Variants in RPS6KA3 observed in about 807,000 individuals in gnomAD.
RPS6KA3 encodes the protein ribosomal protein S6 kinase alpha-3.
RPS6KA3 carries 4 observed loss-of-function variants against 67.2 expected under a neutral mutation model. The observed-to-expected ratio is 0.06, with a 90% CI of 0.03 to 0.14. The LOEUF (loss-of-function observed/expected upper bound fraction) is 0.14. Among genes scored for constraint, RPS6KA3 ranks in the 10% least tolerant of loss-of-function variants. The pLI is 1.00. For synonymous variants in RPS6KA3, 182 were observed against 183.7 expected, an observed-to-expected ratio of 0.99 and a Z score of 0.07; for missense variants, 204 against 559.0, an observed-to-expected ratio of 0.36 and a Z score of 6.40.
At chrX:20,266,253 T>G in intron 1 of RPS6KA3, among the ~76,000 whole-genome samples, 1 of 99,771 alleles carries the variant, frequency 1.0e-5, no homozygotes. Flanking sequence ...CGGCCCCCGC[T>G]CCGCCTCCCG....
intron 1 of RPS6KA3, among the ~76,000 whole-genome samples, chrX:20,262,048 T>C (rs1417995244): frequency 8.9e-6 from 1 of 111,986 alleles, no homozygotes; most frequent in African/African-American, 3.2e-5. Context: ...CTGAGCACTA[T>C]CACACGCAGG....
At chrX:20,229,591 T>C (rs1405459799) in intron 2 of RPS6KA3, among the ~76,000 whole-genome samples, 1 of 112,445 alleles carries the variant, frequency 8.9e-6, no homozygotes, top group Non-Finnish European at 1.9e-5. Context: ...GAGTAATTTG[T>C]AACACATCAA....
intron 14 of RPS6KA3, among the ~76,000 whole-genome samples, chrX:20,174,696 A>C (rs2067656991): frequency 1.8e-5 from 2 of 110,736 alleles, no homozygotes; most frequent in Admixed American, 1.9e-4. Flanking sequence ...TGGTTCTTGC[A>C]ACCTTTTCGA....
chrX:20,221,580 G>A (rs1406517294), intron 2 of RPS6KA3, among the ~76,000 whole-genome samples: 6 of 111,595 alleles, frequency 5.4e-5, no homozygotes, highest in Non-Finnish European at 9.4e-5. Flanking sequence ...CAGGACATAC[G>A]GTTTCTGTCA....
intron 1 of RPS6KA3, among the ~76,000 whole-genome samples, chrX:20,242,476 A>G (rs2069575880): frequency 8.9e-6 from 1 of 111,878 alleles, no homozygotes; most frequent in Non-Finnish European, 1.9e-5. Context: ...AAGGCTCAGC[A>G]AAGTTAATTA....
At chrX:20,186,560 GT>G (rs369090914) in intron 9 of RPS6KA3, among the ~76,000 whole-genome samples, 194 bp from the exon 10 acceptor site, 45 of 101,365 alleles carry the variant, frequency 4.4e-4, no homozygotes, top group Non-Finnish European at 5.5e-4. Flanking sequence ...GAGCTATACA[GT>G]TTTTTTTTTT....
At chrX:20,189,484 T>C (rs1458723592) in intron 7 of RPS6KA3, among the ~76,000 whole-genome samples, 1 of 112,022 alleles carries the variant, frequency 8.9e-6, no homozygotes, top group East Asian at 2.8e-4. Context: ...TGGGTCATGA[T>C]AAAGAACAAC....
At chrX:20,231,805 G>A (rs1272243505) in intron 2 of RPS6KA3, among the ~76,000 whole-genome samples, 1 of 111,062 alleles carries the variant, frequency 9.0e-6, no homozygotes, top group Non-Finnish European at 1.9e-5. Context: ...TCTGATGCCC[G>A]AGGCAGAGAG....
intron 7 of RPS6KA3, among the ~76,000 whole-genome samples, chrX:20,189,337 G>T (rs2068066542): frequency 8.9e-6 from 1 of 112,327 alleles, no homozygotes; most frequent in African/African-American, 3.2e-5. Context: ...AATGAATAAG[G>T]CCTGTTTGCA....
chrX:20,162,335 CAA>C (rs75392752), intron 19 of RPS6KA3, among the ~76,000 whole-genome samples: 5 of 36,642 alleles, frequency 1.4e-4, no homozygotes, highest in Admixed American at 6.9e-4. Flanking sequence ...GACTCCGTCT[CAA>C]AAAAAAAAAA....
intron 17 of RPS6KA3, among the ~76,000 whole-genome samples, chrX:20,166,014 A>G (rs1396402396): frequency 2.7e-5 from 3 of 112,285 alleles, no homozygotes; most frequent in Non-Finnish European, 5.6e-5. Context: ...ACTAATAATA[A>G]ATTAGAACAC....
rs2068022424 is a variant in RPS6KA3 at position 20,187,766 on chromosome X, C to T, written c.774+62G>A. On this transcript the variant is annotated intron_variant, in intron 9 of 21. Coordinates refer to ENST00000379565, the MANE Select transcript of RPS6KA3 (RefSeq NM_004586.3). ...TAAAAACACCAGTTTCTTTAACATT[C>T]ACTGCTGATCCTCACTTAACAATCT... 3 of 952,652 alleles carry T rather than the reference C, an allele frequency of 3.1e-6. No homozygotes were observed. In the East Asian group the frequency reaches 9.2e-5, roughly 29 times the overall value. 78.5% of individuals were successfully genotyped at this position (952,652 alleles called of 1,213,427 possible). A position where few individuals can be genotyped will look rare whatever the true frequency, so the allele number is the denominator to read the frequency against.
intron 18 of RPS6KA3, among the ~76,000 whole-genome samples, chrX:20,164,351 G>C (rs1276925706): frequency 1.8e-5 from 2 of 108,492 alleles, no homozygotes; most frequent in Admixed American, 9.9e-5. Context: ...GGGAATACCG[G>C]AGCAGGTAGG....
rs917493208 is a variant in RPS6KA3 at position 20,155,252 on chromosome X, G to A, written c.*146C>T. 5 of 639,375 alleles carry A rather than the reference G, an allele frequency of 7.8e-6. No homozygotes were observed. The African/African-American group carries it at 1.1e-4, about 14-fold the overall frequency. The allele number at this position is 639,375 out of a possible 1,213,427, so 52.7% of individuals were successfully genotyped here. A position where few individuals can be genotyped will look rare whatever the true frequency, so the allele number is the denominator to read the frequency against. On this transcript the variant is annotated 3_prime_UTR_variant, in exon 22 of 22. Coordinates refer to ENST00000379565, the MANE Select transcript of RPS6KA3 (RefSeq NM_004586.3). ...TCATTTAAAGCGAGAAGAGAGGAAA[G>A]CAGGAGCAGCAGCAGGAACAGCAGC... is the stretch of plus-strand genomic sequence containing the variant.
At chrX:20,164,384 T>C (rs1319472819) in intron 18 of RPS6KA3, among the ~76,000 whole-genome samples, 1 of 103,691 alleles carries the variant, frequency 9.6e-6, no homozygotes, top group Admixed American at 1.0e-4. Flanking sequence ...GACTGAAGGG[T>C]TGTTTTTTTT....
chrX:20,210,152 G>A (rs1322890166), intron 2 of RPS6KA3, among the ~76,000 whole-genome samples: 2 of 112,011 alleles, frequency 1.8e-5, no homozygotes, highest in Non-Finnish European at 3.8e-5. Flanking sequence ...TAATATATTT[G>A]AGGAAAAGTG....
Position 20,161,715 on chromosome X carries a change from A to G in RPS6KA3, c.1888T>C (p.Leu630=). 8.6e-7 allele frequency: 1 copy of G among 1,165,759 alleles called. No individual in the cohort carries two copies. Among genetic ancestry groups the G allele is most frequent in the Non-Finnish European group, 1.2e-6 (1 of 864,882 alleles). ...NGPDDTPEEI[L]ARIGSGKFSL... The stretch of plus-strand genomic sequence containing the variant: ...AATTTTCCGCTACCTATTCGTGCCA[A>G]TATTTCCTCTGGTGTATCATCAGGA... Residue 630 remains leucine (L), a synonymous_variant, in exon 20 of 22, where the codon TTG becomes CTG. Transcript: ENST00000379565.
At chrX:20,258,727 G>T (rs938351204) in intron 1 of RPS6KA3, among the ~76,000 whole-genome samples, 2 of 112,011 alleles carry the variant, frequency 1.8e-5, no homozygotes, top group Non-Finnish European at 3.8e-5. Flanking sequence ...AGTTAAGATG[G>T]GAAAATTCGA....
At chrX:20,267,005 C>T (rs771969903), upstream of RPS6KA3, 2 of 753,749 alleles carry the variant, frequency 2.7e-6, no homozygotes, top group African/African-American at 2.3e-5. Flanking sequence ...CGCGCTCCCC[C>T]ACTTCCGCTC....
Sources: allele counts gnomAD v4.1 joint callset (sites outside exome capture counted in the v4.1 genomes callset), GRCh38; gene constraint gnomAD v4.1.1; transcripts MANE v1.5; gene names NCBI Gene and HGNC (gene_info 2026-07-23, HGNC 2026-07-21).